Variants in NAALADL2 observed in about 807,000 individuals in gnomAD.
NAALADL2 encodes the protein N-acetylated alpha-linked acidic dipeptidase like 2.
NAALADL2 carries 76 observed loss-of-function variants against 87.2 expected under a neutral mutation model. That is an observed-to-expected ratio of 0.87 (90% confidence interval 0.72 to 1.05). The LOEUF (loss-of-function observed/expected upper bound fraction) is 1.05. Ranked by LOEUF, NAALADL2 falls within the 50% of genes least tolerant of loss-of-function variation. The pLI, the probability that NAALADL2 is intolerant of heterozygous loss-of-function variation, is 0.00. For missense variants in NAALADL2, 1,089 were observed against 945.8 expected (o/e 1.15, Z -1.99); for synonymous variants, 354 against 331.0 (o/e 1.07, Z -0.75).
At chr3:175,390,291 G>A (rs1768922353) in intron 5 of NAALADL2, among the ~76,000 whole-genome samples, 1 of 152,104 alleles carries the variant, frequency 6.6e-6, no homozygotes, top group Non-Finnish European at 1.5e-5. Context: ...TGGCACATTA[G>A]ATATAAAGAT....
intron 11 of NAALADL2, among the ~76,000 whole-genome samples, chr3:175,736,729 T>TTA (rs1172877240): frequency 3.9e-5 from 6 of 152,162 alleles, no homozygotes. Context: ...TGTCATTAGG[T>TTA]TATGTATTCG....
chr3:174,969,119 T>G (rs985831756), intron 1 of NAALADL2, among the ~76,000 whole-genome samples: 12 of 152,202 alleles, frequency 7.9e-5, no homozygotes, highest in Admixed American at 7.2e-4. Context: ...CTCAAATTCT[T>G]TTTATTATGC....
intron 9 of NAALADL2, among the ~76,000 whole-genome samples, chr3:175,516,574 A>G (rs1270822416): frequency 6.6e-6 from 1 of 152,206 alleles, no homozygotes; most frequent in Non-Finnish European, 1.5e-5. Context: ...AGTAAAGGAA[A>G]ACTGATATTG....
chr3:175,072,797 C>T (rs917577404), intron 1 of NAALADL2, among the ~76,000 whole-genome samples: 5 of 150,962 alleles, frequency 3.3e-5, no homozygotes, highest in African/African-American at 9.7e-5. Flanking sequence ...ATGTAACAAA[C>T]CTGCACATTG....
At chr3:175,318,247 A>T (rs1759399057) in intron 4 of NAALADL2, among the ~76,000 whole-genome samples, 2 of 152,146 alleles carry the variant, frequency 1.3e-5, no homozygotes, top group South Asian at 4.1e-4. Context: ...AATGCAGAGT[A>T]GCATTTATGA....
At chr3:175,604,577 TC>T (rs2149650673) in intron 10 of NAALADL2, among the ~76,000 whole-genome samples, 2 of 152,292 alleles carry the variant, frequency 1.3e-5, no homozygotes, top group South Asian at 4.1e-4. Flanking sequence ...GTGCTGGGAT[TC>T]CAGGCGTGAG....
rs368322280 is a variant in NAALADL2 at position 174,443,572 on chromosome 3, G to C, written c.-184+2540G>C. 3.9e-5 allele frequency among the ~76,000 whole-genome samples: 6 copies of C among 152,284 alleles called. No individual in the cohort carries two copies. The East Asian group carries it at 1.2e-3, about 29-fold the overall frequency. On this transcript the variant is annotated intron_variant, in intron 1 of 3. Transcript: ENST00000434257. The stretch of plus-strand genomic sequence containing the variant: ...AGCATGCAGTTAGCTGGAAGACCAA[G>C]CTAATGGCATACATTTAGGACTCTT...
intron 2 of NAALADL2, among the ~76,000 whole-genome samples, chr3:175,151,469 G>A (rs936478): frequency 1.4e-4 from 22 of 152,106 alleles, no homozygotes; most frequent in African/African-American, 5.1e-4. Flanking sequence ...ATTTATTATC[G>A]TATAAACTGG....
chr3:174,882,638 C>CATATACACATATGTGCATATGCGT (rs1348974465), intron 1 of NAALADL2, among the ~76,000 whole-genome samples: 3 of 81,284 alleles, frequency 3.7e-5, no homozygotes, highest in African/African-American at 1.7e-4. Context: ...TGCATATACA[C>CATATACACATATGTGCATATGCGT]ATATGTGCAT....
chr3:174,687,635 GT>G (rs1212768350), intron 2 of NAALADL2, among the ~76,000 whole-genome samples: 1 of 152,110 alleles, frequency 6.6e-6, no homozygotes, highest in African/African-American at 2.4e-5. Flanking sequence ...GAAGTGATGG[GT>G]TTTGAGTGTT....
chr3:175,052,081 A>C (rs1199264457), intron 1 of NAALADL2, among the ~76,000 whole-genome samples: 1 of 152,190 alleles, frequency 6.6e-6, no homozygotes, highest in Non-Finnish European at 1.5e-5. Flanking sequence ...AGTGATAAGC[A>C]TTGTTTCTAT....
chr3:175,114,674 C>T (rs1217331727), intron 2 of NAALADL2, among the ~76,000 whole-genome samples: 1 of 151,518 alleles, frequency 6.6e-6, no homozygotes, highest in Non-Finnish European at 1.5e-5. Context: ...AGGATATGCT[C>T]TAGAACCTAA....
At chr3:175,516,923 C>T (rs1357496765) in intron 9 of NAALADL2, among the ~76,000 whole-genome samples, 1 of 152,120 alleles carries the variant, frequency 6.6e-6, no homozygotes, top group African/African-American at 2.4e-5. Context: ...GCCTTGCCCA[C>T]CTTATATGTG....
chr3:175,314,961 C>T (rs970251209), intron 4 of NAALADL2, among the ~76,000 whole-genome samples: 4 of 151,946 alleles, frequency 2.6e-5, no homozygotes, highest in Non-Finnish European at 4.4e-5. Flanking sequence ...AAGGTTCCTG[C>T]TTCAAGCCAG....
chr3:175,335,943 T>C (rs1440732420), intron 5 of NAALADL2, among the ~76,000 whole-genome samples: 1 of 152,174 alleles, frequency 6.6e-6, no homozygotes, highest in Non-Finnish European at 1.5e-5. Flanking sequence ...CTCTGTCTGC[T>C]GGAAACGTGT....
chr3:175,525,584 T>A lies in NAALADL2; in HGVS notation c.1654-50457T>A, dbSNP rs561988815. On this transcript the variant is annotated intron_variant, in intron 9 of 13. Transcript: ENST00000454872. ...CCTCAATAATTATTTTGAAAAAGGA[T>A]TTTTTTTTTGTCAGATGCATTTGAG... is the stretch of plus-strand genomic sequence containing the variant. Among the ~76,000 whole-genome samples, 155 of 146,830 alleles carry A rather than the reference T, an allele frequency of 1.1e-3. 2 individuals carry two copies. Among genetic ancestry groups the A allele is most frequent in the African/African-American group, 3.8e-3 (144 of 38,308 alleles).
At chr3:175,522,596 T>C (rs536143995) in intron 9 of NAALADL2, among the ~76,000 whole-genome samples, 3 of 152,340 alleles carry the variant, frequency 2.0e-5, no homozygotes, top group African/African-American at 7.2e-5. Flanking sequence ...AAGTAAGATA[T>C]AGTTGAAAGT....
At position 175,589,994 on chromosome 3, in the gene NAALADL2, C is replaced by T. The variant is rs182039150; in HGVS notation, c.1800+13807C>T. Among the ~76,000 whole-genome samples the T allele has an allele frequency of 9.0e-3, 1,365 of 151,978 alleles. 23 individuals are homozygous for T. The highest frequency in any genetic ancestry group is 0.032 in the African/African-American group (1,311 of 41,444). On this transcript the variant is annotated intron_variant, in intron 10 of 13. Transcript: ENST00000454872. The stretch of plus-strand genomic sequence containing the variant: ...TTGGGAGGCCGAGGCAGGCGGGTCA[C>T]GAGGTCAGGAGATCGAGACCATCCT...
intron 1 of NAALADL2, among the ~76,000 whole-genome samples, chr3:174,895,320 A>AG (rs1190007519): frequency 6.6e-6 from 1 of 152,160 alleles, no homozygotes; most frequent in Non-Finnish European, 1.5e-5. Context: ...ATCTAAAAAA[A>AG]GTAAAAATAG....
Sources: allele counts gnomAD v4.1 joint callset (sites outside exome capture counted in the v4.1 genomes callset), GRCh38; gene constraint gnomAD v4.1.1; transcripts MANE v1.5; gene names NCBI Gene and HGNC (gene_info 2026-07-23, HGNC 2026-07-21).